DDA1: variants seen among roughly 807,000 people sequenced by gnomAD.
DDA1 encodes the protein DET1- and DDB1-associated protein 1.
A neutral mutation model predicts 18.6 loss-of-function variants in DDA1; 3 were observed. The ratio of observed to expected loss-of-function variants is 0.16; its 90% confidence interval spans 0.07 to 0.42. DDA1 has a LOEUF of 0.42. Ranked by LOEUF, DDA1 falls within the 10% of genes least tolerant of loss-of-function variation. The pLI, the probability that DDA1 is intolerant of heterozygous loss-of-function variation, is 0.99. For missense variants in DDA1, 105 were observed against 138.2 expected (o/e 0.76, Z 1.20); for synonymous variants, 52 against 54.0 (o/e 0.96, Z 0.17).
rs571155818 is a variant in DDA1, at chr19:17,323,173, C to T, written c.*3517C>T. ...GGGGGTTCCCAACCTAGGCCCCAGC[C>T]ACCCAGACTCCCCCACCCCCACTCC... is the stretch of plus-strand genomic sequence containing the variant. On this transcript the variant is annotated 3_prime_UTR_variant, in exon 5 of 5. Transcript: ENST00000359866. 2 of 155,766 alleles carry T rather than the reference C, an allele frequency of 1.3e-5. No homozygotes were observed. Among genetic ancestry groups the T allele is most frequent in the African/African-American group, 4.8e-5 (2 of 41,732 alleles). 9.6% of individuals were successfully genotyped at this position (155,766 alleles called of 1,614,324 possible). A position where few individuals can be genotyped will look rare whatever the true frequency, so the allele number is the denominator to read the frequency against.
Position 17,309,617 on chromosome 19 carries a change from T to A in DDA1, c.-38T>A, listed in dbSNP as rs1029631746. The A allele has an allele frequency of 5.6e-6, 9 of 1,610,182 alleles. No homozygotes were observed. The Admixed American group carries it at 1.3e-4, about 24-fold the overall frequency. ...CGGCTCTGGTGGCGGCGGTGGAGGC[T>A]GAGGCGGCGGCCGAGGCGGCGACGG... is the stretch of plus-strand genomic sequence containing the variant. On this transcript the variant is annotated 5_prime_UTR_variant, in exon 1 of 5. Coordinates refer to ENST00000359866, the MANE Select transcript of DDA1 (RefSeq NM_024050.6).
Position 17,312,438 on chromosome 19 carries a change from C to T in DDA1, c.4-1585C>T, listed in dbSNP as rs146547741. The stretch of plus-strand genomic sequence containing the variant: ...GGTGGGGAGGTTAGCAGGTATTTGC[C>T]ACATGGAGGCATGAGGGGCATTCCT... On this transcript the variant is annotated intron_variant, in intron 1 of 4. Coordinates refer to ENST00000359866, the MANE Select transcript of DDA1 (RefSeq NM_024050.6). 7.2e-3 allele frequency among the ~76,000 whole-genome samples: 1,090 copies of T among 152,148 alleles called. 10 individuals carry two copies. The highest frequency in any genetic ancestry group is 0.025 in the African/African-American group (1,041 of 41,500).
At position 17,309,618 on chromosome 19, in the gene DDA1, G is replaced by A. The variant is rs754248077; in HGVS notation, c.-37G>A. 6.8e-6 allele frequency: 11 copies of A among 1,611,268 alleles called. No homozygotes were observed. The Admixed American group carries it at 1.5e-4, about 22-fold the overall frequency. Reference sequence around the variant, plus strand: ...GGCTCTGGTGGCGGCGGTGGAGGCTGAGGCGGCGGCCGAGGCGGCGACGGA... The same window carrying A: ...GGCTCTGGTGGCGGCGGTGGAGGCTAAGGCGGCGGCCGAGGCGGCGACGGA... On this transcript the variant is annotated 5_prime_UTR_variant, in exon 1 of 5. Transcript: ENST00000359866.
chr19:17,313,397 C>T (rs551729944), intron 1 of DDA1, among the ~76,000 whole-genome samples: 1 of 149,798 alleles, frequency 6.7e-6, no homozygotes, highest in East Asian at 2.0e-4. Context: ...CACTGGCCCA[C>T]TCCAGACCTC....
chr19:17,312,564 G>T (rs7249329), intron 1 of DDA1, among the ~76,000 whole-genome samples: 52,846 of 151,920 alleles, frequency 0.35, 10,864 homozygotes, highest in African/African-American at 0.56. Flanking sequence ...CACCCTTCAG[G>T]TCTCAGTGCC....
At chr19:17,315,263 ACACACACGTG>A (rs1469876500) in intron 3 of DDA1, among the ~76,000 whole-genome samples, 6 of 78,182 alleles carry the variant, frequency 7.7e-5, no homozygotes, top group African/African-American at 3.8e-4. Flanking sequence ...ACGTGTATAT[ACACACACGTG>A]TATATACACA....
In DDA1 at chr19:17,311,085, G is replaced by A. The variant is rs566279926; in HGVS notation, c.3+1428G>A. ...TGCCCAGGCTGGTCTCAAACTCCTG[G>A]GCTCAAGTGATCCTGCCTCAGCCTC... On this transcript the variant is annotated intron_variant, in intron 1 of 4. Coordinates refer to ENST00000359866, the MANE Select transcript of DDA1 (RefSeq NM_024050.6). Among the ~76,000 whole-genome samples, 59 of 151,884 alleles carry A rather than the reference G, an allele frequency of 3.9e-4. 1 individual carries two copies. Among genetic ancestry groups the A allele is most frequent in the African/African-American group, 1.4e-3 (58 of 41,434 alleles).
chr19:17,312,252 G>A (rs2074182601), intron 1 of DDA1, among the ~76,000 whole-genome samples: 1 of 152,130 alleles, frequency 6.6e-6, no homozygotes, highest in Non-Finnish European at 1.5e-5. Context: ...GCCCGGCCAG[G>A]GTTCAGTCAG....
Position 17,314,435 on chromosome 19 carries a change from G to A in DDA1, c.136+46G>A, listed in dbSNP as rs754070645. 13 of 1,612,980 alleles carry A rather than the reference G, an allele frequency of 8.1e-6. No homozygotes were observed. Among genetic ancestry groups the A allele is most frequent in the Middle Eastern group, 1.6e-4 (1 of 6,082 alleles). ...TGTCCCATTCTGGCTGCTGAGGGGCGGGGTTTGGTGACTGCAGCGTGGCAC... is the reference window on the plus strand; with the variant it reads ...TGTCCCATTCTGGCTGCTGAGGGGCAGGGTTTGGTGACTGCAGCGTGGCAC... On this transcript the variant is annotated intron_variant, in intron 3 of 4. Coordinates refer to ENST00000359866, the MANE Select transcript of DDA1 (RefSeq NM_024050.6). This position sits in a 1 kb window ranked among gnomAD's most constrained non-coding sequence, Gnocchi z 4.6.
In DDA1 at chr19:17,322,739, C is replaced by T. The variant is rs553554779; in HGVS notation, c.*3083C>T. The T allele has an allele frequency of 6.6e-6, 1 of 152,368 alleles. No individual in the cohort carries two copies. The highest frequency in any genetic ancestry group is 1.9e-4 in the East Asian group (1 of 5,190). The allele number at this position is 152,368 out of a possible 1,614,324, so 9.4% of individuals were successfully genotyped here. A position where few individuals can be genotyped will look rare whatever the true frequency, so the allele number is the denominator to read the frequency against. On this transcript the variant is annotated 3_prime_UTR_variant, in exon 5 of 5. Transcript: ENST00000359866. ...CCAATGCCACCCCGTGTCCTGGGGA[C>T]ACCCAAATGTGCCATTCTCTCAGTA... is the stretch of plus-strand genomic sequence containing the variant.
Position 17,314,802 on chromosome 19 carries a change from CG to C in DDA1, c.136+416del, listed in dbSNP as rs1447056299. On this transcript the variant is annotated intron_variant, in intron 3 of 4. Coordinates refer to ENST00000359866, the MANE Select transcript of DDA1 (RefSeq NM_024050.6). This position sits in a 1 kb window ranked among gnomAD's most constrained non-coding sequence, Gnocchi z 4.6. Reference sequence around the variant, plus strand: ...ACTCTGGTTCTAAGACAAGTGCTATCGGGCAGAGAGGCAGCAGAGGGCTACA... The same window carrying C: ...ACTCTGGTTCTAAGACAAGTGCTATCGGCAGAGAGGCAGCAGAGGGCTACA... 3 of 214,904 alleles carry C rather than the reference CG, an allele frequency of 1.4e-5. No individual in the cohort carries two copies. The highest frequency in any genetic ancestry group is 6.9e-5 in the African/African-American group (3 of 43,166). 13.3% of individuals were successfully genotyped at this position (214,904 alleles called of 1,614,324 possible).
Position 17,322,753 on chromosome 19 carries a change from A to G in DDA1, c.*3097A>G, listed in dbSNP as rs1211270163. 1 of 152,208 alleles carries G rather than the reference A, an allele frequency of 6.6e-6. No individual in the cohort carries two copies. Among genetic ancestry groups the G allele is most frequent in the East Asian group, 1.9e-4 (1 of 5,194 alleles). The allele number at this position is 152,208 out of a possible 1,614,324, so 9.4% of individuals were successfully genotyped here. ...TGTCCTGGGGACACCCAAATGTGCCATTCTCTCAGTATCACAAGTCGGGGA... is the reference window on the plus strand; with the variant it reads ...TGTCCTGGGGACACCCAAATGTGCCGTTCTCTCAGTATCACAAGTCGGGGA... On this transcript the variant is annotated 3_prime_UTR_variant, in exon 5 of 5. Coordinates refer to ENST00000359866, the MANE Select transcript of DDA1 (RefSeq NM_024050.6).
At chr19:17,318,307 CTG>C (rs1169965854) in intron 4 of DDA1, among the ~76,000 whole-genome samples, 1 of 152,204 alleles carries the variant, frequency 6.6e-6, no homozygotes, top group African/African-American at 2.4e-5. Context: ...TCTTGGCTCA[CTG>C]TAATCTCCGC....
rs1392643282 is a variant in DDA1, at chr19:17,315,287, TATATATATACACAC to T, written c.137-646_137-633del. On this transcript the variant is annotated intron_variant, in intron 3 of 4. Transcript: ENST00000359866. Reference sequence around the variant, plus strand: ...TACACACACGTGTATATACACACACTATATATATACACACGTGTATATATATACACGCTATATAT... The same window carrying T: ...TACACACACGTGTATATACACACACTGTGTATATATATACACGCTATATAT... Among the ~76,000 whole-genome samples the T allele has an allele frequency of 1.2e-4, 3 of 25,906 alleles. No individual in the cohort carries two copies. In the African/African-American group the frequency reaches 1.3e-3, roughly 11 times the overall value. 17.0% of individuals were successfully genotyped at this position (25,906 alleles called of 152,430 possible). A position where few individuals can be genotyped will look rare whatever the true frequency, so the allele number is the denominator to read the frequency against.
At chr19:17,312,674 C>T (rs1407086325) in intron 1 of DDA1, among the ~76,000 whole-genome samples, 4 of 152,328 alleles carry the variant, frequency 2.6e-5, no homozygotes, top group Non-Finnish European at 4.4e-5. Flanking sequence ...GTCCTGCAGC[C>T]GCTTCCTGTG....
chr19:17,309,602 G>A lies in DDA1; in HGVS notation c.-53G>A. ...CGGCGGCTAAGAAGGCGGCTCTGGT[G>A]GCGGCGGTGGAGGCTGAGGCGGCGG... On this transcript the variant is annotated 5_prime_UTR_variant, in exon 1 of 5. Transcript: ENST00000359866. 6.3e-7 allele frequency: 1 copy of A among 1,597,606 alleles called. No individual in the cohort carries two copies. Among genetic ancestry groups the A allele is most frequent in the African/African-American group, 1.3e-5 (1 of 74,692 alleles).
At chr19:17,313,106 C>T (rs1173431916) in intron 1 of DDA1, among the ~76,000 whole-genome samples, 2 of 152,194 alleles carry the variant, frequency 1.3e-5, no homozygotes, top group African/African-American at 4.8e-5. Context: ...CAGGGGATGG[C>T]CTTCCCTTCC....
rs1480066219 is a variant in DDA1 at position 17,315,359 on chromosome 19, T to TAC, written c.137-574_137-573dup. 2.6e-4 allele frequency among the ~76,000 whole-genome samples: 16 copies of TAC among 60,720 alleles called. 1 individual carries two copies. Among genetic ancestry groups the TAC allele is most frequent in the African/African-American group, 5.2e-4 (9 of 17,218 alleles). The allele number at this position is 60,720 out of a possible 152,430, so 39.8% of individuals were successfully genotyped here. On this transcript the variant is annotated intron_variant, in intron 3 of 4. Transcript: ENST00000359866. The stretch of plus-strand genomic sequence containing the variant: ...CGTATATATATACACGCTATATATA[T>TAC]ACGCTATATATATACACACGTATAT...
At position 17,314,174 on chromosome 19, in the gene DDA1, C is replaced by T. The variant is rs775619551; in HGVS notation, c.84+71C>T. 105 of 1,573,678 alleles carry T rather than the reference C, an allele frequency of 6.7e-5. No homozygotes were observed. The highest frequency in any genetic ancestry group is 8.9e-5 in the Non-Finnish European group (102 of 1,145,006). On this transcript the variant is annotated intron_variant, in intron 2 of 4. Transcript: ENST00000359866. The surrounding 1 kb of genome is among the most constrained non-coding windows in gnomAD (Gnocchi z 4.6). ...GGGCCTGGGGGCAGCTTGTGTCCCC[C>T]GATTGGGGTCTTGGCTGGAACAGAG...
Sources: allele counts gnomAD v4.1 joint callset (sites outside exome capture counted in the v4.1 genomes callset), GRCh38; gene constraint gnomAD v4.1.1; non-coding constraint Gnocchi (gnomAD v3.1); transcripts MANE v1.5; gene names NCBI Gene and HGNC (gene_info 2026-07-23, HGNC 2026-07-21).